The following ADGRV1 variants were observed in gnomAD, a reference collection of about 807,000 sequenced individuals.
ADGRV1 encodes the protein G-protein coupled receptor 98.
In ADGRV1, 359 loss-of-function variants were observed where a neutral mutation model predicts 596.2. The ratio of observed to expected loss-of-function variants is 0.60; its 90% CI spans 0.55 to 0.66. The LOEUF is 0.66. Among genes scored for constraint, ADGRV1 ranks in the 30% least tolerant of loss-of-function variants. The probability of loss-of-function intolerance (pLI) is 0.00; values close to 1 mark genes in which losing one functional copy is unlikely to be tolerated. For missense variants in ADGRV1, 7,274 were observed against 7,575.6 expected (o/e 0.96, Z 1.48); for synonymous variants, 2,681 against 2,679.2 (o/e 1.00, Z -0.02).
rs368497021 is a variant in ADGRV1, at chr5:90,781,574, C to T, written c.13227C>T (p.Phe4409=). The T allele has an allele frequency of 1.6e-5, 25 of 1,600,372 alleles. No individual in the cohort carries two copies. Among genetic ancestry groups the T allele is most frequent in the Admixed American group, 3.4e-5 (2 of 59,058 alleles). The change falls in exon 65 of 90, where the codon TTC becomes TTT. Residue 4409 remains phenylalanine, a synonymous_variant. Transcript: ENST00000405460. ...AATTTGACCCAAAGTATACTGCCTTCGAAGGTAGGTTCAGTCAGCTAGCTT... is the reference window on the plus strand; with the variant it reads ...AATTTGACCCAAAGTATACTGCCTTTGAAGGTAGGTTCAGTCAGCTAGCTT... The part of the protein sequence containing the change: ...IIEFDPKYTA[F]EVEEDVGLIM...
At chr5:90,610,699 C>T (rs1174621516) in intron 1 of ADGRV1, among the ~76,000 whole-genome samples, 1 of 151,982 alleles carries the variant, frequency 6.6e-6, no homozygotes, top group Non-Finnish European at 1.5e-5. Flanking sequence ...TATGAGTTTG[C>T]AGTATCACAA....
At chr5:90,636,978 C>A (rs192100945) in intron 10 of ADGRV1, among the ~76,000 whole-genome samples, 1 of 152,110 alleles carries the variant, frequency 6.6e-6, no homozygotes, top group South Asian at 2.1e-4. Flanking sequence ...GTGTACTGCC[C>A]TTGAATGAAA....
At chr5:90,778,631 A>AT in intron 63 of ADGRV1, 22 bp downstream of exon 63, 2 of 1,487,794 alleles carry the variant, frequency 1.3e-6, no homozygotes, top group Non-Finnish European at 9.0e-7. Flanking sequence ...AATGCTTAAG[A>AT]TTTTAATATC....
intron 84 of ADGRV1, among the ~76,000 whole-genome samples, chr5:90,971,271 A>G (rs1424213132): frequency 1.3e-5 from 2 of 152,266 alleles, no homozygotes; most frequent in East Asian, 1.9e-4. Context: ...GTTGGAAAAC[A>G]CTTTGCAGGA....
intron 72 of ADGRV1, among the ~76,000 whole-genome samples, chr5:90,807,099 C>T (rs1357463023): frequency 6.6e-6 from 1 of 152,140 alleles, no homozygotes; most frequent in South Asian, 2.1e-4. Flanking sequence ...AATCCGCCCT[C>T]GTCGGCCTCC....
At chr5:90,706,737 A>G (rs1298770873) in intron 38 of ADGRV1, among the ~76,000 whole-genome samples, 1 of 151,806 alleles carries the variant, frequency 6.6e-6, no homozygotes, top group African/African-American at 2.4e-5. Flanking sequence ...TAGTAAAAAA[A>G]AAAAAAAATT....
rs1055087812 is a variant in ADGRV1 at position 90,854,293 on chromosome 5, G to T, written c.17594+92G>T. ...TGTTTTGTACTGAGCATAGATGGTG[G>T]CCCCAGATGACATTAGACTGGAAAA... is the stretch of plus-strand genomic sequence containing the variant. On this transcript the variant is annotated intron_variant, in intron 81 of 89. Transcript: ENST00000405460. 3 of 862,376 alleles carry T rather than the reference G, an allele frequency of 3.5e-6. No homozygotes were observed. In the African/African-American group the frequency reaches 5.1e-5, roughly 15 times the overall value. The allele number at this position is 862,376 out of a possible 1,614,324, so 53.4% of individuals were successfully genotyped here. A position where few individuals can be genotyped will look rare whatever the true frequency, so the allele number is the denominator to read the frequency against.
At chr5:91,038,293 G>T (rs1272881745) in intron 85 of ADGRV1, among the ~76,000 whole-genome samples, 1 of 152,220 alleles carries the variant, frequency 6.6e-6, no homozygotes, top group African/African-American at 2.4e-5. Flanking sequence ...ACTTGATTCT[G>T]ATGGCAATGC....
chr5:90,566,186 A>G (rs1160513276), intron 1 of ADGRV1, among the ~76,000 whole-genome samples: 1 of 151,980 alleles, frequency 6.6e-6, no homozygotes, highest in Admixed American at 6.6e-5. Context: ...AATTTATTTA[A>G]CTTTCCTTTG....
In ADGRV1 at chr5:90,619,127, T is replaced by C; in HGVS notation, c.399T>C (p.Val133=). ...ANVKLGWPRT[V]TVTILSNDNA... ...TGAAGCTTGGATGGCCAAGGACTGTTACTGTGACAATATTATCAAATGACA... is the reference window on the plus strand; with the variant it reads ...TGAAGCTTGGATGGCCAAGGACTGTCACTGTGACAATATTATCAAATGACA... Residue 133 remains valine (V), a synonymous_variant, in exon 4 of 90, where the codon GTT becomes GTC. Coordinates refer to ENST00000405460, the MANE Select transcript of ADGRV1 (RefSeq NM_032119.4). 1 of 1,513,752 alleles carries C rather than the reference T, an allele frequency of 6.6e-7. No homozygotes were observed. The highest frequency in any genetic ancestry group is 8.9e-7 in the Non-Finnish European group (1 of 1,127,466). 93.8% of individuals were successfully genotyped at this position (1,513,752 alleles called of 1,614,324 possible).
At chr5:90,930,491 A>G (rs1775137292) in intron 83 of ADGRV1, among the ~76,000 whole-genome samples, 1 of 152,232 alleles carries the variant, frequency 6.6e-6, no homozygotes, top group African/African-American at 2.4e-5. Flanking sequence ...ATGGACTTTT[A>G]TAACTTGGTA....
At chr5:90,585,337 CAT>C (rs986169904) in intron 1 of ADGRV1, among the ~76,000 whole-genome samples, 39 of 152,320 alleles carry the variant, frequency 2.6e-4, no homozygotes, top group African/African-American at 8.9e-4. Context: ...CTCTGCCCCT[CAT>C]GTGTATCTGT....
chr5:90,976,980 T>C (rs1779667912), intron 84 of ADGRV1, among the ~76,000 whole-genome samples: 1 of 152,208 alleles, frequency 6.6e-6, no homozygotes, highest in African/African-American at 2.4e-5. Context: ...TTGTGCGTTA[T>C]TTTCTCAATA....
intron 87 of ADGRV1, among the ~76,000 whole-genome samples, chr5:91,139,866 A>G (rs769227731): frequency 4.6e-5 from 7 of 152,170 alleles, no homozygotes; most frequent in Non-Finnish European, 7.4e-5. Context: ...TGTTTTGACA[A>G]TGTGGACCAC....
At chr5:91,075,110 A>G (rs1312305993) in intron 86 of ADGRV1, among the ~76,000 whole-genome samples, 1 of 152,136 alleles carries the variant, frequency 6.6e-6, no homozygotes, top group Non-Finnish European at 1.5e-5. Flanking sequence ...ATAGTTTGCA[A>G]AAATTTTCTC....
chr5:90,786,735 G>T (rs1175189822), intron 67 of ADGRV1, among the ~76,000 whole-genome samples: 1 of 152,200 alleles, frequency 6.6e-6, no homozygotes, highest in Non-Finnish European at 1.5e-5. Context: ...ATAACTCCTT[G>T]AATTTAAGTT....
chr5:90,859,923 TA>T (rs575648968), intron 82 of ADGRV1, among the ~76,000 whole-genome samples: 610 of 117,378 alleles, frequency 5.2e-3, no homozygotes, highest in Admixed American at 6.8e-3. Flanking sequence ...GTACAAAAAG[TA>T]AAAAAAAAAA....
chr5:90,675,469 GT>G, intron 24 of ADGRV1, 24 bp downstream of exon 24: 1 of 1,591,588 alleles, frequency 6.3e-7, no homozygotes, highest in South Asian at 1.1e-5. Context: ...TCCTTTTGAA[GT>G]TGTATTTGCA....
chr5:90,569,402 T>A (rs1349957545), intron 1 of ADGRV1, among the ~76,000 whole-genome samples: 16 of 125,308 alleles, frequency 1.3e-4, no homozygotes, highest in African/African-American at 4.4e-4. Flanking sequence ...TTTTTTTTTT[T>A]TTTTTTTTTT....
Sources: allele counts gnomAD v4.1 joint callset (sites outside exome capture counted in the v4.1 genomes callset), GRCh38; gene constraint gnomAD v4.1.1; transcripts MANE v1.5; gene names NCBI Gene and HGNC (gene_info 2026-07-23, HGNC 2026-07-21).